TMEM131L: variants seen among roughly 807,000 people sequenced by gnomAD.
The protein encoded by TMEM131L is transmembrane 131 like.
A neutral mutation model predicts 192.2 loss-of-function variants in TMEM131L; 54 were observed. That is an observed-to-expected ratio of 0.28 (90% CI 0.23 to 0.35). The LOEUF (loss-of-function observed/expected upper bound fraction) is 0.35. Among genes scored for constraint, TMEM131L ranks in the 10% least tolerant of loss-of-function variants. TMEM131L has a pLI of 1.00. For missense variants in TMEM131L, 1,888 were observed against 1,972.9 expected, an observed-to-expected ratio of 0.96 and a Z score of 0.82; for synonymous variants, 701 against 704.9, an observed-to-expected ratio of 0.99 and a Z score of 0.09.
intron 19 of TMEM131L, among the ~76,000 whole-genome samples, chr4:153,595,068 T>C (rs1251454501): frequency 1.3e-5 from 2 of 152,204 alleles, no homozygotes; most frequent in Non-Finnish European, 2.9e-5. Flanking sequence ...AGAAATATTA[T>C]ATATTTTGGG....
intron 7 of TMEM131L, among the ~76,000 whole-genome samples, chr4:153,575,298 C>G (rs967192751): frequency 1.3e-5 from 2 of 152,148 alleles, no homozygotes; most frequent in East Asian, 1.9e-4. Flanking sequence ...GTATCCAGTT[C>G]CCTAAATTCA....
intron 3 of TMEM131L, among the ~76,000 whole-genome samples, chr4:153,534,110 A>T (rs1445527945): frequency 1.3e-5 from 2 of 152,244 alleles, no homozygotes; most frequent in Non-Finnish European, 2.9e-5. Context: ...TTGTGATTTT[A>T]TAAATCAATG....
chr4:153,518,733 G>A (rs1385703230), intron 3 of TMEM131L, among the ~76,000 whole-genome samples: 1 of 152,174 alleles, frequency 6.6e-6, no homozygotes, highest in African/African-American at 2.4e-5. Flanking sequence ...CGAGTTTACT[G>A]TAAAAATCAA....
At chr4:153,475,502 G>A (rs1731468488) in intron 3 of TMEM131L, among the ~76,000 whole-genome samples, 1 of 152,146 alleles carries the variant, frequency 6.6e-6, no homozygotes, top group Non-Finnish European at 1.5e-5. Flanking sequence ...AACCAGTTGG[G>A]GGGAAAATAG....
At chr4:153,472,102 G>C (rs1731199842) in intron 2 of TMEM131L, among the ~76,000 whole-genome samples, 1 of 151,992 alleles carries the variant, frequency 6.6e-6, no homozygotes, top group South Asian at 2.1e-4. Context: ...AACATGGGTT[G>C]GGCACTTCTG....
At chr4:153,499,990 A>G (rs1733477474) in intron 3 of TMEM131L, among the ~76,000 whole-genome samples, 1 of 151,592 alleles carries the variant, frequency 6.6e-6, no homozygotes, top group Non-Finnish European at 1.5e-5. Flanking sequence ...ATTATTCCTC[A>G]TGTTTTTCAG....
At chr4:153,594,560 C>CAT (rs1454176681) in intron 19 of TMEM131L, among the ~76,000 whole-genome samples, 1 of 152,204 alleles carries the variant, frequency 6.6e-6, no homozygotes. Context: ...AAAATACATA[C>CAT]ATACACATGT....
chr4:153,614,363 G>T (rs775757974), intron 26 of TMEM131L, among the ~76,000 whole-genome samples: 3 of 152,212 alleles, frequency 2.0e-5, no homozygotes, highest in Non-Finnish European at 4.4e-5. Flanking sequence ...TATCCGTAGA[G>T]AACTGAATTG....
chr4:153,567,693 C>T (rs1729317046), intron 7 of TMEM131L, among the ~76,000 whole-genome samples: 1 of 152,056 alleles, frequency 6.6e-6, no homozygotes, highest in South Asian at 2.1e-4. Flanking sequence ...TACAGGCACG[C>T]ACCACCACAC....
chr4:153,591,270 C>T, intron 17 of TMEM131L, 76 bp downstream of exon 17: 1 of 1,375,832 alleles, frequency 7.3e-7, no homozygotes, highest in Admixed American at 2.5e-5. Flanking sequence ...CAGATTGTGT[C>T]CACCTTTAGC....
chr4:153,595,502 A>G (rs1731366580), intron 19 of TMEM131L, among the ~76,000 whole-genome samples: 2 of 152,210 alleles, frequency 1.3e-5, no homozygotes, highest in African/African-American at 4.8e-5. Context: ...GGCATGGGTA[A>G]CACTAGCAAT....
intron 3 of TMEM131L, among the ~76,000 whole-genome samples, chr4:153,503,067 A>G (rs984842943): frequency 3.3e-5 from 5 of 152,214 alleles, no homozygotes; most frequent in African/African-American, 1.2e-4. Flanking sequence ...AGAGATGCCT[A>G]AAGGCTAATC....
intron 3 of TMEM131L, among the ~76,000 whole-genome samples, chr4:153,534,720 A>T (rs1354836503): frequency 6.6e-6 from 1 of 152,212 alleles, no homozygotes; most frequent in Non-Finnish European, 1.5e-5. Context: ...GGCGTGAGCC[A>T]CGGCGCCTGG....
intron 3 of TMEM131L, among the ~76,000 whole-genome samples, chr4:153,531,508 A>C (rs1166529758): frequency 6.6e-6 from 1 of 152,228 alleles, no homozygotes; most frequent in Non-Finnish European, 1.5e-5. Flanking sequence ...TACTGGAGGA[A>C]AGGAATATAT....
Position 153,528,420 on chromosome 4 carries a change from T to G in TMEM131L, c.240-21653T>G, listed in dbSNP as rs145718206. 1.7e-3 allele frequency among the ~76,000 whole-genome samples: 253 copies of G among 152,234 alleles called. 1 individual carries two copies. Among genetic ancestry groups the G allele is most frequent in the African/African-American group, 5.7e-3 (237 of 41,530 alleles). ...AAAGCGTACCAGTTTTAATATAGAGTGTGAAGTCTGGTGGCAGTAATGCAG... is the reference window on the plus strand; with the variant it reads ...AAAGCGTACCAGTTTTAATATAGAGGGTGAAGTCTGGTGGCAGTAATGCAG... On this transcript the variant is annotated intron_variant, in intron 3 of 34. Transcript: ENST00000409959.
At chr4:153,531,926 A>G (rs1735930086) in intron 3 of TMEM131L, among the ~76,000 whole-genome samples, 1 of 152,118 alleles carries the variant, frequency 6.6e-6, no homozygotes, top group African/African-American at 2.4e-5. Flanking sequence ...CCCAGTCCTG[A>G]TTTCTGCCCT....
At chr4:153,499,747 T>G (rs1434096766) in intron 3 of TMEM131L, among the ~76,000 whole-genome samples, 1 of 152,178 alleles carries the variant, frequency 6.6e-6, no homozygotes, top group Non-Finnish European at 1.5e-5. Context: ...CTTACCCTGA[T>G]TGGTTATTCA....
At chr4:153,624,840 C>A (rs564568358) in intron 29 of TMEM131L, among the ~76,000 whole-genome samples, 2 of 152,334 alleles carry the variant, frequency 1.3e-5, no homozygotes, top group South Asian at 2.1e-4. Flanking sequence ...TGTACTATTT[C>A]TTCTCTCTCC....
chr4:153,512,602 A>G lies in TMEM131L; in HGVS notation c.240-37471A>G, dbSNP rs1355591498. ...TTTCTTCATGCCATTCCTGACATCTAGATGTCTTCTGCTTTCATCCTTTAT... is the reference window on the plus strand; with the variant it reads ...TTTCTTCATGCCATTCCTGACATCTGGATGTCTTCTGCTTTCATCCTTTAT... On this transcript the variant is annotated intron_variant, in intron 3 of 34. Transcript: ENST00000409959. 2.6e-5 allele frequency among the ~76,000 whole-genome samples: 4 copies of G among 152,046 alleles called. No individual in the cohort carries two copies. The East Asian group carries it at 7.7e-4, about 29-fold the overall frequency.
Sources: allele counts gnomAD v4.1 joint callset (sites outside exome capture counted in the v4.1 genomes callset), GRCh38; gene constraint gnomAD v4.1.1; transcripts MANE v1.5; gene names NCBI Gene and HGNC (gene_info 2026-07-23, HGNC 2026-07-21).